The following GRM8 variants were observed in gnomAD, a reference collection of about 807,000 sequenced individuals.
GRM8 encodes glutamate metabotropic receptor 8.
Under a neutral mutation model 87.2 loss-of-function variants are expected in GRM8, and 47 were observed. That is an observed-to-expected ratio of 0.54 (90% confidence interval 0.43 to 0.69). The LOEUF is 0.69. Ranked by LOEUF, GRM8 falls within the 30% of genes least tolerant of loss-of-function variation. GRM8 has a pLI of 0.00. For missense variants in GRM8, 1,019 were observed against 1,139.2 expected, an observed-to-expected ratio of 0.89 and a Z score of 1.52; for synonymous variants, 396 against 404.5, an observed-to-expected ratio of 0.98 and a Z score of 0.25.
intron 2 of GRM8, among the ~76,000 whole-genome samples, chr7:127,131,354 AC>A (rs1472397216): frequency 6.6e-6 from 1 of 152,198 alleles, no homozygotes; most frequent in African/African-American, 2.4e-5. Context: ...TGGACATATG[AC>A]CTTTGGGATG....
chr7:127,108,044 C>T (rs934486296), intron 2 of GRM8, among the ~76,000 whole-genome samples: 1 of 152,172 alleles, frequency 6.6e-6, no homozygotes, highest in African/African-American at 2.4e-5. Context: ...TGGTTCTGTT[C>T]TCCTAGTGGG....
intron 6 of GRM8, among the ~76,000 whole-genome samples, chr7:126,844,538 CAA>C (rs1278870415): frequency 6.6e-6 from 1 of 152,106 alleles, no homozygotes; most frequent in African/African-American, 2.4e-5. Context: ...TCTATTGTAA[CAA>C]AGAGACAAAG....
intron 6 of GRM8, among the ~76,000 whole-genome samples, chr7:126,871,809 T>C (rs1799121304): frequency 6.6e-6 from 1 of 152,158 alleles, no homozygotes; most frequent in Admixed American, 6.5e-5. Flanking sequence ...GAATATGAAA[T>C]TAAATCCATC....
intron 3 of GRM8, among the ~76,000 whole-genome samples, chr7:127,013,259 T>A (rs1815075126): frequency 6.6e-6 from 1 of 152,152 alleles, no homozygotes; most frequent in Non-Finnish European, 1.5e-5. Context: ...GGCTTCCCAA[T>A]CCAGTTTTCT....
At chr7:126,771,510 T>A (rs1818838136) in intron 6 of GRM8, among the ~76,000 whole-genome samples, 1 of 152,118 alleles carries the variant, frequency 6.6e-6, no homozygotes, top group African/African-American at 2.4e-5. Flanking sequence ...CAGAATCTGC[T>A]AATTGTCAAT....
intron 3 of GRM8, among the ~76,000 whole-genome samples, chr7:127,005,290 C>T (rs1185066542): frequency 6.6e-6 from 1 of 151,054 alleles, no homozygotes; most frequent in Non-Finnish European, 1.5e-5. Flanking sequence ...CCCATTTAAA[C>T]AACAACAAAA....
At chr7:126,870,308 GGTTCGCTTGCTTATCATTTGCCT>G (rs1798984381) in intron 6 of GRM8, 1 of 152,082 alleles carries the variant, frequency 6.6e-6, no homozygotes, top group Admixed American at 6.6e-5. Context: ...CAGTAAGCAT[GGTTCGCTTGCTTATCATTTGCCT>G]GTTCCTTGGA....
intron 6 of GRM8, among the ~76,000 whole-genome samples, chr7:126,821,510 A>G (rs73451295): frequency 0.013 from 2,031 of 152,304 alleles, 55 homozygotes; most frequent in African/African-American, 0.047. Context: ...AGCACTTAGC[A>G]TGGTCCCTGG....
intron 6 of GRM8, among the ~76,000 whole-genome samples, chr7:126,848,360 A>G (rs1209978246): frequency 1.3e-5 from 2 of 152,240 alleles, no homozygotes; most frequent in African/African-American, 4.8e-5. Flanking sequence ...GCTCTAAGAA[A>G]AAGTACACAC....
chr7:126,546,926 T>C (rs1817224303), intron 8 of GRM8, among the ~76,000 whole-genome samples: 1 of 152,208 alleles, frequency 6.6e-6, no homozygotes, highest in Non-Finnish European at 1.5e-5. Flanking sequence ...CCTGGCACAG[T>C]TGGTACTGGG....
At chr7:127,137,482 G>A (rs1256054983) in intron 2 of GRM8, among the ~76,000 whole-genome samples, 1 of 152,084 alleles carries the variant, frequency 6.6e-6, no homozygotes, top group Non-Finnish European at 1.5e-5. Context: ...CTTATATTTG[G>A]TAATTGCAGT....
At chr7:127,032,583 T>C (rs923859269) in intron 3 of GRM8, among the ~76,000 whole-genome samples, 3 of 152,164 alleles carry the variant, frequency 2.0e-5, no homozygotes, top group Admixed American at 6.5e-5. Context: ...CTGTCTCAAT[T>C]TGGGGTACTT....
intron 3 of GRM8, among the ~76,000 whole-genome samples, chr7:127,008,214 T>C (rs923334303): frequency 1.3e-5 from 2 of 152,094 alleles, no homozygotes; most frequent in Non-Finnish European, 2.9e-5. Flanking sequence ...GAATTTCTCA[T>C]GTAGACCCAA....
intron 2 of GRM8, among the ~76,000 whole-genome samples, chr7:127,109,482 C>T (rs1826147046): frequency 6.6e-6 from 1 of 152,196 alleles, no homozygotes; most frequent in African/African-American, 2.4e-5. Flanking sequence ...CTCACAGCAT[C>T]TGCACCCTTC....
chr7:126,500,358 G>A (rs1271833637), intron 9 of GRM8, among the ~76,000 whole-genome samples: 1 of 151,992 alleles, frequency 6.6e-6, no homozygotes, highest in African/African-American at 2.4e-5. Context: ...AATAGAAGGT[G>A]CTAGAGGGAG....
chr7:126,998,762 T>TA (rs1813425536), intron 3 of GRM8, among the ~76,000 whole-genome samples: 1 of 151,276 alleles, frequency 6.6e-6, no homozygotes, highest in South Asian at 2.1e-4. Context: ...ACATTGAAGA[T>TA]ACAAAAAAAA....
chr7:126,493,360 G>T (rs1808280579), intron 9 of GRM8, among the ~76,000 whole-genome samples: 1 of 152,048 alleles, frequency 6.6e-6, no homozygotes, highest in South Asian at 2.1e-4. Context: ...AAGAAGCAGA[G>T]CAGAGGACAG....
chr7:127,204,004 T>C (rs1024317380), intron 2 of GRM8, among the ~76,000 whole-genome samples: 1 of 152,242 alleles, frequency 6.6e-6, no homozygotes, highest in Non-Finnish European at 1.5e-5. Flanking sequence ...TTATAAAATA[T>C]GCTAAATTTA....
intron 8 of GRM8, among the ~76,000 whole-genome samples, chr7:126,536,159 C>A (rs771273722): frequency 3.3e-5 from 5 of 152,188 alleles, no homozygotes; most frequent in Admixed American, 6.5e-5. Context: ...AGAAGGCACA[C>A]CCAGGGACAG....
Sources: gnomAD v4.1 joint callset for allele counts (sites outside exome capture counted in the v4.1 genomes callset) on GRCh38, gnomAD v4.1.1 for gene constraint, MANE v1.5 for transcripts, NCBI Gene and HGNC (gene_info 2026-07-23, HGNC 2026-07-21) for gene names.